ANK3: variants seen among roughly 807,000 people sequenced by gnomAD.
ANK3 encodes ankyrin-3.
Under a neutral mutation model 370.9 loss-of-function variants are expected in ANK3, and 57 were observed. That is an observed-to-expected ratio of 0.15 (90% CI 0.12 to 0.19). The LOEUF is 0.19. Ranked by LOEUF, ANK3 falls within the 10% of genes least tolerant of loss-of-function variation. The pLI, the probability that ANK3 is intolerant of heterozygous loss-of-function variation, is 1.00. For missense variants in ANK3, 4,439 were observed against 5,302.1 expected (o/e 0.84, Z 5.06); for synonymous variants, 1,929 against 1,946.3 (o/e 0.99, Z 0.23).
rs77730854 is a variant in ANK3, at chr10:60,466,358, C to A, written c.96+148828G>T. Among the ~76,000 whole-genome samples, 1,067 of 152,214 alleles carry A rather than the reference C, an allele frequency of 7.0e-3. 22 individuals carry two copies. Among genetic ancestry groups the A allele is most frequent in the African/African-American group, 0.024 (1,000 of 41,520 alleles). ...GAAAGAGACATTTATTAAACCCTCA[C>A]GATGCCAATAACGCCCTAATCACTT... On this transcript the variant is annotated intron_variant, in intron 2 of 43. Coordinates refer to the ANK3 transcript ENST00000373827.
intron 1 of ANK3, among the ~76,000 whole-genome samples, chr10:60,298,506 T>C (rs994332634): frequency 2.0e-5 from 3 of 152,210 alleles, no homozygotes; most frequent in African/African-American, 7.2e-5. Flanking sequence ...CAATAGTATA[T>C]GCTACTCTGT....
chr10:60,680,113 A>G (rs913932683), intron 1 of ANK3, among the ~76,000 whole-genome samples: 4 of 146,254 alleles, frequency 2.7e-5, no homozygotes, highest in South Asian at 2.4e-4. Flanking sequence ...ACAGCCTGGG[A>G]GACATAGTGA....
At chr10:60,641,161 C>G (rs2078627183) in intron 1 of ANK3, among the ~76,000 whole-genome samples, 1 of 149,300 alleles carries the variant, frequency 6.7e-6, no homozygotes, top group Admixed American at 6.7e-5. Context: ...ACATTCCATG[C>G]TCATGGATAG....
Position 60,278,711 on chromosome 10 carries a change from G to T in ANK3, c.414+63C>A. ...GGATATGTGAACTAAGCAAGCACCT[G>T]ACCCAAAGAACATTGTTTGTAAATG... On this transcript the variant is annotated intron_variant, in intron 4 of 43. Transcript: ENST00000280772. 4.6e-6 allele frequency: 6 copies of T among 1,312,334 alleles called. No individual in the cohort carries two copies. In the South Asian group the frequency reaches 5.9e-5, roughly 13 times the overall value. 81.3% of individuals were successfully genotyped at this position (1,312,334 alleles called of 1,614,324 possible).
Position 60,263,983 on chromosome 10 carries a change from C to G in ANK3, c.551G>C (p.Gly184Ala), listed in dbSNP as rs1337582958. 1 of 1,614,050 alleles carries G rather than the reference C, an allele frequency of 6.2e-7. No individual in the cohort carries two copies. Among genetic ancestry groups the G allele is most frequent in the South Asian group, 1.1e-5 (1 of 91,084 alleles). Residue 184 changes from glycine to alanine, a missense_variant, in exon 6 of 44, where the codon GGT (glycine) becomes GCT (alanine). Physicochemically the swap from Gly to Ala is moderately conservative, Grantham distance 60 (BLOSUM62 0). Around this residue, in one of 13 missense-constraint regions of ANK3, gnomAD observed 136 missense variants for 230.5 expected, o/e 0.59. Transcript: ENST00000280772. ...FTPLAVALQQ[G>A]HDQVVSLLLE... The stretch of plus-strand genomic sequence containing the variant: ...CAGGAGCGAAACGACTTGGTCGTGA[C>G]CTTGTTGCAAAGCCACTGCCAATGG...
Position 60,628,379 on chromosome 10 carries a change from C to T in ANK3, c.58-13155G>A, listed in dbSNP as rs561442245. Among the ~76,000 whole-genome samples, 8 of 152,298 alleles carry T rather than the reference C, an allele frequency of 5.3e-5. No individual in the cohort carries two copies. The South Asian group carries it at 1.7e-3, about 32-fold the overall frequency. On this transcript the variant is annotated intron_variant, in intron 1 of 43. Transcript: ENST00000373827. ...GATTTCTATCAAACCCAACATACCT[C>T]CTCTATGCAAGCTGCACCTGATAAA...
chr10:60,469,549 A>G (rs1353152352), intron 2 of ANK3, among the ~76,000 whole-genome samples: 1 of 1,830 alleles, frequency 5.5e-4, no homozygotes, highest in Non-Finnish European at 8.9e-4. Context: ...ATGGTGGTGT[A>G]TATATATATA....
chr10:60,288,374 G>T (rs1419812710), intron 1 of ANK3, among the ~76,000 whole-genome samples: 1 of 152,124 alleles, frequency 6.6e-6, no homozygotes, highest in Non-Finnish European at 1.5e-5. Flanking sequence ...TTTAGGGTAG[G>T]TCTTTGTCCT....
chr10:60,681,519 T>C (rs981964184), intron 1 of ANK3, among the ~76,000 whole-genome samples: 1 of 152,186 alleles, frequency 6.6e-6, no homozygotes, highest in Non-Finnish European at 1.5e-5. Flanking sequence ...TAAATCCGAA[T>C]CATCCTTCAT....
At chr10:60,157,945 A>AGG (rs1360217055) in intron 23 of ANK3, among the ~76,000 whole-genome samples, 1 of 150,308 alleles carries the variant, frequency 6.7e-6, no homozygotes, top group Non-Finnish European at 1.5e-5. Context: ...GGAAGGAGGG[A>AGG]GGGAGATCAG....
At chr10:60,061,264 T>G (rs978295171) in intron 40 of ANK3, among the ~76,000 whole-genome samples, 1 of 152,172 alleles carries the variant, frequency 6.6e-6, no homozygotes. Flanking sequence ...CTAAGTGAAA[T>G]TACTTCATAT....
At chr10:60,135,787 G>T (rs1031335131) in intron 24 of ANK3, among the ~76,000 whole-genome samples, 3 of 152,028 alleles carry the variant, frequency 2.0e-5, no homozygotes, top group Admixed American at 2.0e-4. Context: ...TCAGAAAGTG[G>T]GTATCCTTTT....
intron 1 of ANK3, among the ~76,000 whole-genome samples, chr10:60,656,559 T>C (rs1179858647): frequency 6.6e-6 from 1 of 152,180 alleles, no homozygotes; most frequent in African/African-American, 2.4e-5. Context: ...AGGGTTTACT[T>C]TGTTTTTCCT....
intron 1 of ANK3, among the ~76,000 whole-genome samples, chr10:60,336,288 G>A (rs1221789920): frequency 6.6e-6 from 1 of 151,974 alleles, no homozygotes; most frequent in East Asian, 1.9e-4. Context: ...GAAAACTCTT[G>A]AGAAGGAGAA....
intron 1 of ANK3, among the ~76,000 whole-genome samples, chr10:60,723,396 A>T (rs1056846386): frequency 6.6e-6 from 1 of 152,240 alleles, no homozygotes; most frequent in Non-Finnish European, 1.5e-5. Context: ...TAAGAGGCAC[A>T]TTTAGACAAC....
intron 1 of ANK3, among the ~76,000 whole-genome samples, chr10:60,642,727 A>G (rs936436874): frequency 1.1e-4 from 16 of 152,142 alleles, no homozygotes; most frequent in African/African-American, 3.9e-4. Flanking sequence ...ATGTATACCT[A>G]TGTAACTAAC....
intron 4 of ANK3, among the ~76,000 whole-genome samples, chr10:60,276,419 A>C (rs753289703): frequency 6.6e-5 from 10 of 152,174 alleles, no homozygotes; most frequent in Non-Finnish European, 1.0e-4. Flanking sequence ...ATTATCATTG[A>C]AACTCCATTC....
chr10:60,726,047 TTGTAATTACTTCAACAA>T (rs1165138351), intron 1 of ANK3, among the ~76,000 whole-genome samples: 1 of 152,238 alleles, frequency 6.6e-6, no homozygotes, highest in Non-Finnish European at 1.5e-5. Context: ...GCCTTGAATT[TTGTAATTACTTCAACAA>T]TGTAATTACT....
At chr10:60,329,222 A>G (rs2050629556) in intron 1 of ANK3, among the ~76,000 whole-genome samples, 1 of 152,216 alleles carries the variant, frequency 6.6e-6, no homozygotes, top group Non-Finnish European at 1.5e-5. Context: ...GAAAACCGGC[A>G]CAAGACAAGG....
Sources: gnomAD v4.1 joint callset for allele counts (sites outside exome capture counted in the v4.1 genomes callset) on GRCh38, gnomAD v4.1.1 for gene constraint, gnomAD v4.1.1 regional missense constraint, MANE v1.5 for transcripts, NCBI Gene and HGNC (gene_info 2026-07-23, HGNC 2026-07-21) for gene names.